The following PDE10A variants were observed in gnomAD, a reference collection of about 807,000 sequenced individuals.
PDE10A encodes the protein phosphodiesterase 10A.
In PDE10A, 39 loss-of-function variants were observed where a neutral mutation model predicts 97.7. The ratio of observed to expected loss-of-function variants is 0.40; its 90% CI spans 0.31 to 0.52. The LOEUF (loss-of-function observed/expected upper bound fraction) is 0.52. Ranked by LOEUF, PDE10A falls within the 20% of genes least tolerant of loss-of-function variation. The pLI is 0.56. For missense variants in PDE10A, 731 were observed against 1,047.8 expected, an observed-to-expected ratio of 0.70 and a Z score of 4.17; for synonymous variants, 371 against 376.8, an observed-to-expected ratio of 0.98 and a Z score of 0.18.
At chr6:165,647,328 A>C (rs1480111332) in intron 1 of PDE10A, among the ~76,000 whole-genome samples, 1 of 152,208 alleles carries the variant, frequency 6.6e-6, no homozygotes, top group East Asian at 1.9e-4. Context: ...GGGCCTTCCC[A>C]CTCAACCCCA....
intron 1 of PDE10A, among the ~76,000 whole-genome samples, chr6:165,912,110 T>A (rs1048864174): frequency 5.3e-5 from 8 of 152,110 alleles, no homozygotes; most frequent in African/African-American, 1.9e-4. Context: ...CTATTATTTA[T>A]CATCTATCTG....
At chr6:165,481,301 A>G (rs1176499936) in intron 3 of PDE10A, among the ~76,000 whole-genome samples, 1 of 152,070 alleles carries the variant, frequency 6.6e-6, no homozygotes. Flanking sequence ...AGTTCCACAA[A>G]TGTGACATTA....
At chr6:165,704,677 T>G (rs1791664331) in intron 1 of PDE10A, among the ~76,000 whole-genome samples, 1 of 152,166 alleles carries the variant, frequency 6.6e-6, no homozygotes, top group African/African-American at 2.4e-5. Context: ...GTCAGTTAAG[T>G]TTTGTGAGCA....
In PDE10A at chr6:165,332,097, A is replaced by C. The variant is rs1032383317; in HGVS notation, c.*928T>G. 1.4e-4 allele frequency: 22 copies of C among 152,238 alleles called. No homozygotes were observed. Among genetic ancestry groups the C allele is most frequent in the Admixed American group, 1.0e-3 (16 of 15,288 alleles). 9.4% of individuals were successfully genotyped at this position (152,238 alleles called of 1,614,324 possible). On this transcript the variant is annotated 3_prime_UTR_variant, in exon 22 of 22. Coordinates refer to ENST00000539869, the MANE Select transcript of PDE10A (RefSeq NM_001385079.1). The stretch of plus-strand genomic sequence containing the variant: ...ACTTTTCATTGTGAATGAGAGTCTA[A>C]AATTCTGCAATGACACAAAGTGAAA...
At chr6:165,514,315 T>C (rs188911654) in intron 2 of PDE10A, among the ~76,000 whole-genome samples, 5 of 152,356 alleles carry the variant, frequency 3.3e-5, no homozygotes, top group Admixed American at 3.3e-4. Context: ...AATGCTTTTC[T>C]TCCTTCTCTA....
chr6:165,550,362 T>C (rs755840911), intron 1 of PDE10A, among the ~76,000 whole-genome samples: 1 of 152,220 alleles, frequency 6.6e-6, no homozygotes, highest in Non-Finnish European at 1.5e-5. Flanking sequence ...CTTCTGTGTT[T>C]AGCCCAGATA....
intron 1 of PDE10A, among the ~76,000 whole-genome samples, chr6:165,721,235 C>T (rs1792161150): frequency 6.6e-6 from 1 of 152,170 alleles, no homozygotes; most frequent in Non-Finnish European, 1.5e-5. Flanking sequence ...GAGCAACTTC[C>T]AGTGTGAAGT....
chr6:165,746,514 T>C (rs1291315386), intron 1 of PDE10A, among the ~76,000 whole-genome samples: 2 of 152,218 alleles, frequency 1.3e-5, no homozygotes, highest in Non-Finnish European at 2.9e-5. Context: ...GGAGGGCTTT[T>C]CCCAGAGATA....
At chr6:165,425,770 C>CATGTGTGTGTGTGTGT (rs112669910) in intron 10 of PDE10A, among the ~76,000 whole-genome samples, 4 of 144,036 alleles carry the variant, frequency 2.8e-5, no homozygotes, top group African/African-American at 7.9e-5. Context: ...AAGGCATGAT[C>CATGTGTGTGTGTGTGT]GTGTGTGTGT....
rs117347524 is a variant in PDE10A, at chr6:165,637,567, G to A, written c.865+24380C>T. ...ATTCATTCCATACATTCTGGAGAAC[G>A]TCCTGTGTGTCGGGCAGCATAACAG... On this transcript the variant is annotated intron_variant, in intron 1 of 21. Coordinates refer to ENST00000539869, the MANE Select transcript of PDE10A (RefSeq NM_001385079.1). Among the ~76,000 whole-genome samples, 231 of 152,286 alleles carry A rather than the reference G, an allele frequency of 1.5e-3. 1 individual carries two copies. The East Asian group carries it at 0.026, about 17-fold the overall frequency.
intron 1 of PDE10A, among the ~76,000 whole-genome samples, chr6:165,552,091 CCA>C (rs1239321327): frequency 1.3e-5 from 2 of 152,162 alleles, no homozygotes; most frequent in African/African-American, 4.8e-5. Flanking sequence ...CCTTCACTAG[CCA>C]CACACTCTCC....
chr6:165,336,641 C>G (rs1202895949), intron 20 of PDE10A, among the ~76,000 whole-genome samples: 1 of 150,460 alleles, frequency 6.6e-6, no homozygotes, highest in Non-Finnish European at 1.5e-5. Context: ...CCCAGCTACT[C>G]GGGAGGCTGA....
intron 3 of PDE10A, among the ~76,000 whole-genome samples, chr6:165,473,760 A>G (rs1779144412): frequency 6.6e-6 from 1 of 152,236 alleles, no homozygotes; most frequent in African/African-American, 2.4e-5. Flanking sequence ...CTAAATAATC[A>G]CTAAAGAAAT....
intron 1 of PDE10A, among the ~76,000 whole-genome samples, chr6:165,625,450 G>A (rs1788338292): frequency 6.6e-6 from 1 of 152,238 alleles, no homozygotes; most frequent in Non-Finnish European, 1.5e-5. Context: ...TGGAAGAATA[G>A]TGATGTCATT....
intron 1 of PDE10A, among the ~76,000 whole-genome samples, chr6:165,747,856 T>C (rs1418840946): frequency 1.3e-5 from 2 of 152,216 alleles, no homozygotes; most frequent in South Asian, 2.1e-4. Context: ...GTTGGCTCCT[T>C]GCTTGTTTCT....
chr6:165,776,223 A>T (rs1017338357), intron 1 of PDE10A, among the ~76,000 whole-genome samples: 9 of 152,238 alleles, frequency 5.9e-5, no homozygotes, highest in Non-Finnish European at 7.3e-5. Context: ...GCTGTTCCTT[A>T]TTAATTATGC....
At chr6:165,735,483 T>C (rs978971960) in intron 1 of PDE10A, among the ~76,000 whole-genome samples, 2 of 152,026 alleles carry the variant, frequency 1.3e-5, no homozygotes, top group African/African-American at 2.4e-5. Context: ...AGTAGGAAGA[T>C]AGGTAGATGA....
At chr6:165,911,553 C>T (rs1782454111) in intron 1 of PDE10A, among the ~76,000 whole-genome samples, 1 of 152,206 alleles carries the variant, frequency 6.6e-6, no homozygotes, top group Non-Finnish European at 1.5e-5. Context: ...CCCATCTACA[C>T]TGTCTCTGGG....
intron 5 of PDE10A, among the ~76,000 whole-genome samples, chr6:165,438,625 T>G (rs1355958997): frequency 1.3e-5 from 2 of 152,184 alleles, no homozygotes; most frequent in African/African-American, 2.4e-5. Flanking sequence ...CCTGACTTAG[T>G]TCTTAGTATT....
Sources: gnomAD v4.1 joint callset for allele counts (sites outside exome capture counted in the v4.1 genomes callset) on GRCh38, gnomAD v4.1.1 for gene constraint, MANE v1.5 for transcripts, NCBI Gene and HGNC (gene_info 2026-07-23, HGNC 2026-07-21) for gene names.